TBC1D5: variants seen among roughly 807,000 people sequenced by gnomAD.
The protein encoded by TBC1D5 is TBC1 domain family, member 5.
A neutral mutation model predicts 100.3 loss-of-function variants in TBC1D5; 75 were observed. That is an observed-to-expected ratio of 0.75 (90% CI 0.62 to 0.91). The LOEUF is 0.91. TBC1D5 is among the 40% of genes least tolerant of loss of function. The probability of loss-of-function intolerance (pLI) is 0.00; values close to 1 mark genes in which losing one functional copy is unlikely to be tolerated. For synonymous variants in TBC1D5, 323 were observed against 325.6 expected, an observed-to-expected ratio of 0.99 and a Z score of 0.09; for missense variants, 910 against 942.4, an observed-to-expected ratio of 0.97 and a Z score of 0.45.
At chr3:17,573,615 C>T (rs910749185) in intron 2 of TBC1D5, among the ~76,000 whole-genome samples, 5 of 152,054 alleles carry the variant, frequency 3.3e-5, no homozygotes, top group African/African-American at 1.2e-4. Context: ...CAAACTCAAA[C>T]TACTTGCAGT....
chr3:17,449,284 C>T (rs767685490), intron 3 of TBC1D5, among the ~76,000 whole-genome samples: 2 of 152,188 alleles, frequency 1.3e-5, no homozygotes, highest in Admixed American at 6.5e-5. Flanking sequence ...ACCAGGGCCC[C>T]GGGTTTCAAG....
intron 1 of TBC1D5, among the ~76,000 whole-genome samples, chr3:17,693,890 A>T (rs1560483556): frequency 6.6e-6 from 1 of 152,188 alleles, no homozygotes; most frequent in Non-Finnish European, 1.5e-5. Context: ...CAGAGGAAGG[A>T]TCAGGCAGGT....
At chr3:17,624,177 G>A (rs567483263) in intron 1 of TBC1D5, among the ~76,000 whole-genome samples, 4 of 152,190 alleles carry the variant, frequency 2.6e-5, no homozygotes, top group Admixed American at 6.5e-5. Flanking sequence ...AATTACACAC[G>A]ACATATTACC....
chr3:17,260,964 A>G (rs2149467878), intron 15 of TBC1D5, among the ~76,000 whole-genome samples: 1 of 152,254 alleles, frequency 6.6e-6, no homozygotes, highest in Non-Finnish European at 1.5e-5. Context: ...GCACATCTCA[A>G]TTTGGACTAG....
intron 16 of TBC1D5, among the ~76,000 whole-genome samples, chr3:17,253,666 C>T (rs557339418): frequency 6.6e-6 from 1 of 152,284 alleles, no homozygotes; most frequent in Non-Finnish European, 1.5e-5. Flanking sequence ...CCTGAGGTAG[C>T]TACTTTCTGA....
At chr3:17,244,272 C>T (rs2076544731) in intron 16 of TBC1D5, among the ~76,000 whole-genome samples, 1 of 152,200 alleles carries the variant, frequency 6.6e-6, no homozygotes, top group African/African-American at 2.4e-5. Flanking sequence ...CCCTTTCCAA[C>T]TCTAAGAGTT....
chr3:17,365,031 A>G (rs1177845017), intron 13 of TBC1D5, among the ~76,000 whole-genome samples: 1 of 152,138 alleles, frequency 6.6e-6, no homozygotes, highest in Non-Finnish European at 1.5e-5. Context: ...AATTATGTAA[A>G]CTTCCATACT....
chr3:17,361,283 T>C (rs907319813), intron 13 of TBC1D5, among the ~76,000 whole-genome samples: 13 of 152,074 alleles, frequency 8.5e-5, no homozygotes, highest in Admixed American at 2.6e-4. Context: ...GATGTTTCAT[T>C]ATTAATCCCA....
At chr3:17,382,750 T>G (rs73156342) in intron 9 of TBC1D5, among the ~76,000 whole-genome samples, 9,221 of 151,922 alleles carry the variant, frequency 0.061, 545 homozygotes, top group African/African-American at 0.15. Context: ...TTTGTAGAGA[T>G]GGGGTTTCAC....
At chr3:17,202,530 A>C (rs1377989009) in intron 18 of TBC1D5, among the ~76,000 whole-genome samples, 1 of 152,228 alleles carries the variant, frequency 6.6e-6, no homozygotes, top group African/African-American at 2.4e-5. Flanking sequence ...ACAATGTGAA[A>C]AATGTCTCAA....
intron 8 of TBC1D5, among the ~76,000 whole-genome samples, chr3:17,396,976 T>C (rs747958559): frequency 6.6e-5 from 10 of 152,144 alleles, no homozygotes; most frequent in Non-Finnish European, 1.0e-4. Context: ...AGAATGGAAG[T>C]ATCCTCTGTA....
At chr3:17,392,533 G>T (rs2093383115) in intron 8 of TBC1D5, among the ~76,000 whole-genome samples, 1 of 151,960 alleles carries the variant, frequency 6.6e-6, no homozygotes, top group Non-Finnish European at 1.5e-5. Flanking sequence ...CCCCGCAACA[G>T]GCCCCAGTGT....
intron 21 of TBC1D5, among the ~76,000 whole-genome samples, chr3:17,162,778 C>G (rs2066197577): frequency 6.6e-6 from 1 of 152,198 alleles, no homozygotes; most frequent in South Asian, 2.1e-4. Context: ...TAAGGTGCAC[C>G]TGGTCAGAGC....
chr3:17,630,822 T>C (rs971174281), intron 1 of TBC1D5, among the ~76,000 whole-genome samples: 8 of 147,956 alleles, frequency 5.4e-5, no homozygotes, highest in African/African-American at 1.0e-4. Context: ...GATCACGAGG[T>C]CAGGAGATCG....
At chr3:17,521,880 T>G (rs2096067212) in intron 2 of TBC1D5, among the ~76,000 whole-genome samples, 1 of 152,132 alleles carries the variant, frequency 6.6e-6, no homozygotes. Context: ...GAAAATATGT[T>G]GTAGTCCATA....
At chr3:17,517,841 G>A (rs1448396911) in intron 2 of TBC1D5, among the ~76,000 whole-genome samples, 2 of 151,918 alleles carry the variant, frequency 1.3e-5, no homozygotes, top group African/African-American at 4.8e-5. Context: ...CTCTTCAGAA[G>A]ACATTAAATT....
intron 17 of TBC1D5, among the ~76,000 whole-genome samples, chr3:17,236,678 G>A (rs2075882482): frequency 1.3e-5 from 2 of 151,998 alleles, no homozygotes; most frequent in South Asian, 4.2e-4. Context: ...TAGACACGGG[G>A]TTTCACCATG....
intron 13 of TBC1D5, among the ~76,000 whole-genome samples, chr3:17,324,457 C>T (rs2085830057): frequency 1.3e-5 from 2 of 152,140 alleles, no homozygotes; most frequent in South Asian, 2.1e-4. Context: ...GCCTGGCCAA[C>T]ATGGTGAAGC....
At chr3:17,672,101 T>G (rs756388604) in intron 1 of TBC1D5, among the ~76,000 whole-genome samples, 43 of 152,208 alleles carry the variant, frequency 2.8e-4, no homozygotes, top group Non-Finnish European at 6.0e-4. Context: ...TCTTTAATGG[T>G]TTGAGAGTGC....
Sources: allele counts gnomAD v4.1 joint callset (sites outside exome capture counted in the v4.1 genomes callset), GRCh38; gene constraint gnomAD v4.1.1; transcripts MANE v1.5; gene names NCBI Gene and HGNC (gene_info 2026-07-23, HGNC 2026-07-21).